The following PCK2 variants were observed in gnomAD, a reference collection of about 807,000 sequenced individuals.
PCK2 encodes the protein phosphoenolpyruvate carboxykinase 2, mitochondrial, also known as phosphoenolpyruvate carboxykinase [GTP], mitochondrial.
In PCK2, 56 loss-of-function variants were observed where a neutral mutation model predicts 65.9. The observed-to-expected ratio is 0.85, with a 90% CI of 0.69 to 1.06. PCK2 has a LOEUF of 1.06. Ranked by LOEUF, PCK2 falls within the 50% of genes least tolerant of loss-of-function variation. The pLI is 0.00. For missense variants in PCK2, 843 were observed against 863.1 expected (o/e 0.98, Z 0.29); for synonymous variants, 305 against 319.6 (o/e 0.95, Z 0.49).
In PCK2 at chr14:24,099,646, T is replaced by G; in HGVS notation, c.941T>G (p.Met314Arg). 1.9e-6 allele frequency: 3 copies of G among 1,614,094 alleles called. No homozygotes were observed. The South Asian group carries it at 3.3e-5, about 18-fold the overall frequency. The stretch of plus-strand genomic sequence containing the variant: ...TGTGGCAAGACCAACCTGGCTATGA[T>G]GCGGCCTGCACTGCCAGGCTGGAAA... ...SACGKTNLAM[M>R]RPALPGWKVE... Residue 314 changes from methionine to arginine, a missense_variant, in exon 6 of 10, where the codon ATG becomes AGG. Transcript: ENST00000216780.
rs747603045 is a variant in PCK2 at position 24,102,850 on chromosome 14, C to G, written c.1332C>G (p.Val444=). 4 of 1,613,930 alleles carry G rather than the reference C, an allele frequency of 2.5e-6. No homozygotes were observed. Among genetic ancestry groups the G allele is most frequent in the Non-Finnish European group, 3.4e-6 (4 of 1,179,856 alleles). ...CAGCCTGGGAGGCCCCAGAGGGTGTCCCCATTGACGCCATCATCTTTGGTG... is the reference window on the plus strand; with the variant it reads ...CAGCCTGGGAGGCCCCAGAGGGTGTGCCCATTGACGCCATCATCTTTGGTG... ...MDPAWEAPEG[V]PIDAIIFGGR... Residue 444 remains valine, a synonymous_variant, in exon 8 of 10, where the codon GTC becomes GTG. Transcript: ENST00000216780.
Position 24,095,077 on chromosome 14 carries a change from G to C in PCK2, c.29+643G>C, listed in dbSNP as rs73603081. ...CCTCCGTCCAGGCCTGGAGCCCCCA[G>C]GCTCGTCCTGTTTGTCTGCCTGTCC... On this transcript the variant is annotated intron_variant, in intron 1 of 9. Transcript: ENST00000216780. 5.8e-3 allele frequency: 2,627 copies of C among 456,264 alleles called. 65 individuals carry two copies. Among genetic ancestry groups the C allele is most frequent in the African/African-American group, 0.047 (2,366 of 50,166 alleles). The allele number at this position is 456,264 out of a possible 1,614,324, so 28.3% of individuals were successfully genotyped here.
intron 1 of PCK2, among the ~76,000 whole-genome samples, chr14:24,096,140 G>GAAATAAA (rs1407824932): frequency 2.0e-5 from 3 of 151,498 alleles, no homozygotes; most frequent in Non-Finnish European, 4.4e-5. Context: ...AAATAAAATG[G>GAAATAAA]ATGAGGCTTC....
rs765912476 is a variant in PCK2, at chr14:24,098,238, G to A, written c.311G>A (p.Arg104Gln). Residue 104 changes from arginine to glutamine, a missense_variant, in exon 3 of 10, where the codon CGA (arginine) becomes CAA (glutamine). Transcript: ENST00000216780. The stretch of plus-strand genomic sequence containing the variant: ...CGCACAGACCCCAAGGATGTGGCAC[G>A]AGTAGAGAGCAAGACGGTGATTGTA... ...LARTDPKDVA[R>Q]VESKTVIVTP... 6.2e-6 allele frequency: 10 copies of A among 1,613,562 alleles called. No homozygotes were observed. The highest frequency in any genetic ancestry group is 3.3e-5 in the Admixed American group (2 of 59,962).
Position 24,102,874 on chromosome 14 carries a change from TG to T in PCK2, c.1358del (p.Gly453AlafsTer64). The T allele has an allele frequency of 6.2e-7, 1 of 1,613,868 alleles. No homozygotes were observed. Among genetic ancestry groups the T allele is most frequent in the Non-Finnish European group, 8.5e-7 (1 of 1,179,954 alleles). On this transcript the variant is annotated frameshift_variant, in exon 8 of 10. Transcript: ENST00000216780. LOFTEE classifies it high-confidence loss of function. Reference sequence around the variant, plus strand: ...TCCCCATTGACGCCATCATCTTTGGTGGCCGCAGACCCAAAGGTAAACAACA... The same window carrying T: ...TCCCCATTGACGCCATCATCTTTGGTGCCGCAGACCCAAAGGTAAACAACA... ...GVPIDAIIFG[G>X]RRPKGVPLVY...
rs769413915 is a variant in PCK2 at position 24,103,863 on chromosome 14, C to T, written c.1822C>T (p.Arg608Cys). 48 of 1,613,992 alleles carry T rather than the reference C, an allele frequency of 3.0e-5. No individual in the cohort carries two copies. Among genetic ancestry groups the T allele is most frequent in the South Asian group, 1.8e-4 (16 of 91,088 alleles). ...LPKDFWEQEV[R>C]DIRSYLTEQV... ...CAAGGACTTCTGGGAACAGGAGGTT[C>T]GTGACATTCGGAGCTACCTGACAGA... The change falls in exon 10 of 10, where the codon CGT becomes TGT. Residue 608 changes from arginine (R) to cysteine (C), a missense_variant. Transcript: ENST00000216780.
Position 24,099,635 on chromosome 14 carries a change from C to T in PCK2, c.930C>T (p.Asn310=), listed in dbSNP as rs541353497. 4 of 1,614,050 alleles carry T rather than the reference C, an allele frequency of 2.5e-6. No individual in the cohort carries two copies. The South Asian group carries it at 4.4e-5, about 18-fold the overall frequency. ...TCCCTAGTGCCTGTGGCAAGACCAA[C>T]CTGGCTATGATGCGGCCTGCACTGC... ...AAFPSACGKT[N]LAMMRPALPG... is the part of the protein sequence containing the mutation. Residue 310 remains asparagine (N), a synonymous_variant, in exon 6 of 10, where the codon AAC becomes AAT. Coordinates refer to ENST00000216780, the MANE Select transcript of PCK2 (RefSeq NM_004563.4).
chr14:24,100,119 GA>G lies in PCK2; in HGVS notation c.1141del (p.Thr381ProfsTer21). The G allele has an allele frequency of 6.2e-7, 1 of 1,613,376 alleles. No homozygotes were observed. The highest frequency in any genetic ancestry group is 8.5e-7 in the Non-Finnish European group (1 of 1,179,570). ...SNTIFTNVAE[T>X]SDGGVYWEGI... The stretch of plus-strand genomic sequence containing the variant: ...ACACTATTTTTACCAATGTGGCTGA[GA>G]CCAGTGATGGTGGCGTGTACTGGGA... On this transcript the variant is annotated frameshift_variant, in exon 7 of 10. Coordinates refer to ENST00000216780, the MANE Select transcript of PCK2 (RefSeq NM_004563.4). LOFTEE classifies it high-confidence loss of function.
rs143639714 is a variant in PCK2, at chr14:24,102,840, C to T, written c.1322C>T (p.Pro441Leu). Residue 441 changes from proline to leucine, a missense_variant, in exon 8 of 10, where the codon CCA becomes CTA. Transcript: ENST00000216780. ...ATCATGGACCCAGCCTGGGAGGCCC[C>T]AGAGGGTGTCCCCATTGACGCCATC... ...CPIMDPAWEAPEGVPIDAIIF... is the reference protein window; with the variant it reads ...CPIMDPAWEALEGVPIDAIIF... 1.3e-4 allele frequency: 211 copies of T among 1,613,992 alleles called. No homozygotes were observed. In the African/African-American group the frequency reaches 2.2e-3, roughly 17 times the overall value.
Position 24,094,705 on chromosome 14 carries a change from C to T in PCK2, c.29+271C>T. 6.6e-7 allele frequency: 1 copy of T among 1,512,140 alleles called. No homozygotes were observed. Among genetic ancestry groups the T allele is most frequent in the Non-Finnish European group, 8.8e-7 (1 of 1,132,058 alleles). The allele number at this position is 1,512,140 out of a possible 1,614,324, so 93.7% of individuals were successfully genotyped here. A position where few individuals can be genotyped will look rare whatever the true frequency, so the allele number is the denominator to read the frequency against. ...CTCTATCTGCCACTCTCAGAACTTC[C>T]TCTCTCTCCTCGCTCCTCTCTGCTG... On this transcript the variant is annotated intron_variant, in intron 1 of 9. Coordinates refer to ENST00000216780, the MANE Select transcript of PCK2 (RefSeq NM_004563.4). This position sits in a 1 kb window ranked among gnomAD's most constrained non-coding sequence, Gnocchi z 4.1.
Position 24,099,676 on chromosome 14 carries a change from A to T in PCK2, c.971A>T (p.Glu324Val), listed in dbSNP as rs776607310. ...MRPALPGWKV[E>V]CVGDDIAWMR... is the part of the protein sequence containing the mutation. ...CCTGCACTGCCAGGCTGGAAAGTGG[A>T]GTGTGTGGGGGATGATATTGCTTGG... is the stretch of plus-strand genomic sequence containing the variant. The change falls in exon 6 of 10, where the codon GAG (glutamate) becomes GTG (valine). Residue 324 changes from glutamate (E) to valine (V), a missense_variant. Coordinates refer to ENST00000216780, the MANE Select transcript of PCK2 (RefSeq NM_004563.4). 3.7e-6 allele frequency: 6 copies of T among 1,613,872 alleles called. No homozygotes were observed. The African/African-American group carries it at 8.0e-5, about 22-fold the overall frequency.
chr14:24,098,664 C>T lies in PCK2; in HGVS notation c.650C>T (p.Pro217Leu). 1 of 1,613,726 alleles carries T rather than the reference C, an allele frequency of 6.2e-7. No individual in the cohort carries two copies. The highest frequency in any genetic ancestry group is 8.5e-7 in the Non-Finnish European group (1 of 1,179,936). Residue 217 changes from proline (P) to leucine (L), a missense_variant, in exon 4 of 10, where the codon CCC (proline) becomes CTC (leucine). By Grantham distance (98) the Pro-to-Leu change is moderately conservative (BLOSUM62 -3). Transcript: ENST00000216780. Reference protein sequence around the residue: ...FVKCLHSVGQPLTGQGEPVSQ... With the variant: ...FVKCLHSVGQLLTGQGEPVSQ... ...AAGTGTCTGCACTCCGTGGGCCAGC[C>T]CCTGACAGGACAAGGTAAGCACCTG...
chr14:24,098,395 G>A lies in PCK2; in HGVS notation c.460+8G>A. 6.2e-7 allele frequency: 1 copy of A among 1,611,860 alleles called. No homozygotes were observed. Among genetic ancestry groups the A allele is most frequent in the Non-Finnish European group, 8.5e-7 (1 of 1,178,120 alleles). ...TTCCAGGCTGCATGCAGGGTAACCA[G>A]GGCAGGGGCACAGTGGCAAGGGCAC... On this transcript the variant is annotated splice_region_variant and intron_variant, in intron 3 of 9. Coordinates refer to ENST00000216780, the MANE Select transcript of PCK2 (RefSeq NM_004563.4).
rs982696457 is a variant in PCK2 at position 24,094,803 on chromosome 14, G to A, written c.29+369G>A. ...GACCTCTAACGGGCTCTCAGCCAGCGCCCCAGGGTACTTCGAGAGGCAGCA... is the reference window on the plus strand; with the variant it reads ...GACCTCTAACGGGCTCTCAGCCAGCACCCCAGGGTACTTCGAGAGGCAGCA... On this transcript the variant is annotated intron_variant, in intron 1 of 9. Coordinates refer to ENST00000216780, the MANE Select transcript of PCK2 (RefSeq NM_004563.4). This position sits in a 1 kb window ranked among gnomAD's most constrained non-coding sequence, Gnocchi z 4.1. 1.7e-5 allele frequency: 23 copies of A among 1,354,800 alleles called. No individual in the cohort carries two copies. The highest frequency in any genetic ancestry group is 8.8e-5 in the Admixed American group (4 of 45,312). 83.9% of individuals were successfully genotyped at this position (1,354,800 alleles called of 1,614,324 possible).
At position 24,103,839 on chromosome 14, in the gene PCK2, A is replaced by G. The variant is rs199536894; in HGVS notation, c.1798A>G (p.Lys600Glu). 6.2e-7 allele frequency: 1 copy of G among 1,614,050 alleles called. No individual in the cohort carries two copies. The highest frequency in any genetic ancestry group is 1.7e-5 in the Admixed American group (1 of 60,010). Residue 600 changes from lysine to glutamate, a missense_variant, in exon 10 of 10, where the codon AAG (lysine) becomes GAG (glutamate). By Grantham distance (56) the Lys-to-Glu change is moderately conservative (BLOSUM62 1). Transcript: ENST00000216780. ...CACCACTCAGCTGTTCTCCCTCCCC[A>G]AGGACTTCTGGGAACAGGAGGTTCG... Reference protein sequence around the residue: ...IDTTQLFSLPKDFWEQEVRDI... With the variant: ...IDTTQLFSLPEDFWEQEVRDI...
rs1216311148 is a variant in PCK2, at chr14:24,094,762, C to G, written c.29+328C>G. 1.7e-5 allele frequency: 24 copies of G among 1,432,744 alleles called. No individual in the cohort carries two copies. The highest frequency in any genetic ancestry group is 2.2e-5 in the Non-Finnish European group (24 of 1,081,294). The allele number at this position is 1,432,744 out of a possible 1,614,324, so 88.8% of individuals were successfully genotyped here. On this transcript the variant is annotated intron_variant, in intron 1 of 9. Coordinates refer to ENST00000216780, the MANE Select transcript of PCK2 (RefSeq NM_004563.4). This position sits in a 1 kb window ranked among gnomAD's most constrained non-coding sequence, Gnocchi z 4.1. ...GTCTCCGCATATCCTCCTTTCCTTC[C>G]CAGATACCTCCCTCGGACCTCTAAC...
At chr14:24,099,295 C>A (rs543659783) in intron 5 of PCK2, 59 bp downstream of exon 5, 23 of 1,491,246 alleles carry the variant, frequency 1.5e-5, no homozygotes, top group Middle Eastern at 2.2e-4. Flanking sequence ...TGGGGCCTGG[C>A]CAGTCTGCCT....
At chr14:24,099,289 G>A in intron 5 of PCK2, 53 bp downstream of exon 5, 2 of 1,517,374 alleles carry the variant, frequency 1.3e-6, no homozygotes, top group East Asian at 2.3e-5. Context: ...CAGGGGTGGG[G>A]CCTGGCCAGT....
At position 24,097,068 on chromosome 14, in the gene PCK2, A is replaced by G; in HGVS notation, c.206A>G (p.Glu69Gly). 1 of 1,613,474 alleles carries G rather than the reference A, an allele frequency of 6.2e-7. No individual in the cohort carries two copies. The highest frequency in any genetic ancestry group is 1.1e-5 in the South Asian group (1 of 91,058). The change falls in exon 2 of 10, where the codon GAG becomes GGG. Residue 69 changes from glutamate to glycine, a missense_variant. Transcript: ENST00000216780. Reference protein sequence around the residue: ...GIHICDGTEAENTATLTLLEQ... With the variant: ...GIHICDGTEAGNTATLTLLEQ... The stretch of plus-strand genomic sequence containing the variant: ...CACATCTGTGATGGAACTGAGGCTG[A>G]GAATACTGCCACACTGACCCTGCTG...
Sources: allele counts gnomAD v4.1 joint callset (sites outside exome capture counted in the v4.1 genomes callset), GRCh38; gene constraint gnomAD v4.1.1; non-coding constraint Gnocchi (gnomAD v3.1); transcripts MANE v1.5; gene names NCBI Gene and HGNC (gene_info 2026-07-23, HGNC 2026-07-21).